The following MARS1 variants were observed in gnomAD, a reference collection of about 807,000 sequenced individuals.
MARS1 encodes methionyl-tRNA synthetase 1.
MARS1 carries 80 observed loss-of-function variants against 119.5 expected under a neutral mutation model. The ratio of observed to expected loss-of-function variants is 0.67; its 90% CI spans 0.56 to 0.81. The LOEUF is 0.81. Ranked by LOEUF, MARS1 falls within the 30% of genes least tolerant of loss-of-function variation. MARS1 has a pLI of 0.00. For missense variants in MARS1, 945 were observed against 1,116.5 expected (o/e 0.85, Z 2.19); for synonymous variants, 418 against 433.4 (o/e 0.96, Z 0.44).
At position 57,489,320 on chromosome 12, in the gene MARS1, T is replaced by G; in HGVS notation, c.254T>G (p.Leu85Arg). Residue 85 changes from leucine (L) to arginine (R), a missense_variant, in exon 3 of 21, where the codon CTG becomes CGG. Leu to Arg is a moderately radical substitution (Grantham distance 102). Coordinates refer to ENST00000262027, the MANE Select transcript of MARS1 (RefSeq NM_004990.4). ...WEQDDLTNQW[L>R]EWEATELQPA... ...CAAGATGACCTCACTAACCAGTGGC[T>G]GGAATGGGAAGCGACAGAGCTGCAG... 1 of 1,613,984 alleles carries G rather than the reference T, an allele frequency of 6.2e-7. No homozygotes were observed. The highest frequency in any genetic ancestry group is 8.5e-7 in the Non-Finnish European group (1 of 1,180,020).
At chr12:57,491,937 G>A (rs1875984063) in intron 7 of MARS1, among the ~76,000 whole-genome samples, 1 of 152,276 alleles carries the variant, frequency 6.6e-6, no homozygotes, top group Admixed American at 6.5e-5. Context: ...TGTCTGGTAG[G>A]ATAGACAGGT....
intron 7 of MARS1, among the ~76,000 whole-genome samples, chr12:57,492,237 C>T (rs1398302844): frequency 6.7e-6 from 1 of 150,112 alleles, no homozygotes; most frequent in African/African-American, 2.5e-5. Flanking sequence ...CAAGATCATG[C>T]CACTGCACTC....
chr12:57,513,070 G>A, intron 15 of MARS1, 106 bp downstream of exon 15: 1 of 906,938 alleles, frequency 1.1e-6, no homozygotes, highest in Non-Finnish European at 1.8e-6. Flanking sequence ...AGGAGGCTGT[G>A]AGGACACTGT....
chr12:57,500,987 G>A (rs146819894), intron 10 of MARS1, among the ~76,000 whole-genome samples: 1 of 152,328 alleles, frequency 6.6e-6, no homozygotes, highest in African/African-American at 2.4e-5. Context: ...CTAAGGAAAT[G>A]ATATAGAATA....
intron 11 of MARS1, among the ~76,000 whole-genome samples, chr12:57,508,010 T>TA (rs1311907824): frequency 6.8e-6 from 1 of 147,996 alleles, no homozygotes; most frequent in Non-Finnish European, 1.5e-5. Context: ...AGGCGCTCCT[T>TA]ACATCCCAGA....
chr12:57,490,118 GGAGAAAC>G, intron 5 of MARS1, 82 bp from the exon 6 acceptor site: 4 of 1,498,070 alleles, frequency 2.7e-6, no homozygotes, highest in Non-Finnish European at 3.7e-6. Flanking sequence ...GAAAGCAACT[GGAGAAAC>G]CTCACAAAGA....
chr12:57,490,452 A>G (rs982131655), intron 6 of MARS1, 73 bp downstream of exon 6: 2 of 1,610,236 alleles, frequency 1.2e-6, no homozygotes, highest in Non-Finnish European at 1.7e-6. Context: ...CATGGCCACT[A>G]ACTTTTTCAG....
chr12:57,494,080 C>T lies in MARS1; in HGVS notation c.770+3436C>T, dbSNP rs191736618. Among the ~76,000 whole-genome samples the T allele has an allele frequency of 4.7e-3, 652 of 139,490 alleles. 11 individuals are homozygous for T. The highest frequency in any genetic ancestry group is 0.034 in the Admixed American group (446 of 13,122). 91.5% of individuals were successfully genotyped at this position (139,490 alleles called of 152,430 possible). On this transcript the variant is annotated intron_variant, in intron 7 of 20. Coordinates refer to ENST00000262027, the MANE Select transcript of MARS1 (RefSeq NM_004990.4). Reference sequence around the variant, plus strand: ...AAGTGATTCTCCTGTCTCAGTCTCCCGAGTAGCTGGGATTACAGGTGCACA... The same window carrying T: ...AAGTGATTCTCCTGTCTCAGTCTCCTGAGTAGCTGGGATTACAGGTGCACA...
chr12:57,510,143 T>C (rs1877436706), intron 11 of MARS1, among the ~76,000 whole-genome samples: 1 of 152,044 alleles, frequency 6.6e-6, no homozygotes. Context: ...TTCTGCGTAG[T>C]TGGGACTACA....
chr12:57,490,735 G>T, intron 7 of MARS1, 91 bp downstream of exon 7: 4 of 840,372 alleles, frequency 4.8e-6, no homozygotes, highest in Non-Finnish European at 3.8e-6. Flanking sequence ...CCCGTTTGCT[G>T]ATCTCTCTTT....
rs760584282 is a variant in MARS1, at chr12:57,516,642, A to G, written c.*61A>G. 3.3e-6 allele frequency: 5 copies of G among 1,526,750 alleles called. No homozygotes were observed. The highest frequency in any genetic ancestry group is 1.4e-5 in the African/African-American group (1 of 71,594). 94.6% of individuals were successfully genotyped at this position (1,526,750 alleles called of 1,614,324 possible). On this transcript the variant is annotated 3_prime_UTR_variant, in exon 21 of 21. Coordinates refer to ENST00000262027, the MANE Select transcript of MARS1 (RefSeq NM_004990.4). Reference sequence around the variant, plus strand: ...AGGGACAGTAATAAATAAATGTACAATCTCTATATACAAGCTGAGACCTTT... The same window carrying G: ...AGGGACAGTAATAAATAAATGTACAGTCTCTATATACAAGCTGAGACCTTT...
In MARS1 at chr12:57,514,676, C is replaced by A. The variant is rs544092876; in HGVS notation, c.1968-44C>A. On this transcript the variant is annotated intron_variant, in intron 15 of 20. Transcript: ENST00000262027. ...TTCTAACAAGGAGACGGGATAATAA[C>A]TTCCCCTCTTTTTTCCACTTCTGCT... The A allele has an allele frequency of 7.9e-5, 127 of 1,611,270 alleles. 2 individuals are homozygous for A. Among genetic ancestry groups the A allele is most frequent in the South Asian group, 7.4e-4 (67 of 91,070 alleles).
rs575921357 is a variant in MARS1 at position 57,493,292 on chromosome 12, G to GTA, written c.770+2659_770+2660dup. Among the ~76,000 whole-genome samples, 97 of 100,792 alleles carry GTA rather than the reference G, an allele frequency of 9.6e-4. 1 individual carries two copies. The highest frequency in any genetic ancestry group is 2.7e-3 in the South Asian group (10 of 3,748). 66.1% of individuals were successfully genotyped at this position (100,792 alleles called of 152,430 possible). A position where few individuals can be genotyped will look rare whatever the true frequency, so the allele number is the denominator to read the frequency against. On this transcript the variant is annotated intron_variant, in intron 7 of 20. Coordinates refer to ENST00000262027, the MANE Select transcript of MARS1 (RefSeq NM_004990.4). ...ATCCTTGTTGTTTTGCTTGTTTTGA[G>GTA]TATATATATATAATATATATTATAT...
intron 10 of MARS1, among the ~76,000 whole-genome samples, chr12:57,501,434 C>T (rs1876910470): frequency 6.6e-6 from 1 of 152,218 alleles, no homozygotes; most frequent in Admixed American, 6.5e-5. Flanking sequence ...CCTATAATCC[C>T]AGCACTTTGG....
Position 57,493,670 on chromosome 12 carries a change from A to T in MARS1, c.770+3026A>T, listed in dbSNP as rs1594813172. 1.2e-4 allele frequency among the ~76,000 whole-genome samples: 2 copies of T among 17,018 alleles called. 1 individual carries two copies. The highest frequency in any genetic ancestry group is 1.1e-3 in the African/African-American group (2 of 1,768). The allele number at this position is 17,018 out of a possible 152,430, so 11.2% of individuals were successfully genotyped here. ...TAATATACAATATATATTATATATTATATATATTATATATAATATATATTA... is the reference window on the plus strand; with the variant it reads ...TAATATACAATATATATTATATATTTTATATATTATATATAATATATATTA... On this transcript the variant is annotated intron_variant, in intron 7 of 20. Coordinates refer to ENST00000262027, the MANE Select transcript of MARS1 (RefSeq NM_004990.4).
At chr12:57,515,554 C>T in intron 18 of MARS1, 3 of 592,272 alleles carry the variant, frequency 5.1e-6, no homozygotes, top group Non-Finnish European at 6.0e-6. Context: ...ACAAAACTAA[C>T]TGGTAAACAG....
At chr12:57,502,705 CA>C (rs35515685) in intron 10 of MARS1, among the ~76,000 whole-genome samples, 15,060 of 47,660 alleles carry the variant, frequency 0.32, 1,017 homozygotes, top group East Asian at 0.46. Flanking sequence ...GATTTTGTCT[CA>C]AAAAAAAAAA....
intron 11 of MARS1, among the ~76,000 whole-genome samples, chr12:57,506,666 G>A (rs910525106): frequency 3.9e-5 from 6 of 152,022 alleles, no homozygotes; most frequent in Admixed American, 3.3e-4. Context: ...TGAGCAGTCT[G>A]GGAATACACT....
rs1487140877 is a variant in MARS1, at chr12:57,489,964, C to T, written c.483C>T (p.Tyr161=). 5.6e-6 allele frequency: 9 copies of T among 1,613,888 alleles called. No individual in the cohort carries two copies. The East Asian group carries it at 6.7e-5, about 12-fold the overall frequency. ...ALYPLLQDPA[Y]LPEELSALHS... ...ACCCATTACTGCAAGATCCCGCCTACCTCCCTGGTGAGAACTGTGCATATC... is the reference window on the plus strand; with the variant it reads ...ACCCATTACTGCAAGATCCCGCCTATCTCCCTGGTGAGAACTGTGCATATC... Residue 161 remains tyrosine, a synonymous_variant, in exon 5 of 21, where the codon TAC becomes TAT. Transcript: ENST00000262027.
Sources: gnomAD v4.1 joint callset for allele counts (sites outside exome capture counted in the v4.1 genomes callset) on GRCh38, gnomAD v4.1.1 for gene constraint, MANE v1.5 for transcripts, NCBI Gene and HGNC (gene_info 2026-07-23, HGNC 2026-07-21) for gene names.